The following PHKG2 variants were observed in gnomAD, a reference collection of about 807,000 sequenced individuals.
PHKG2 encodes phosphorylase kinase catalytic subunit gamma 2.
A neutral mutation model predicts 44.5 loss-of-function variants in PHKG2; 28 were observed. The ratio of observed to expected loss-of-function variants is 0.63; its 90% CI spans 0.47 to 0.86. The LOEUF (loss-of-function observed/expected upper bound fraction) is 0.86, where lower values mean the gene tolerates loss of function less well. Among genes scored for constraint, PHKG2 ranks in the 40% least tolerant of loss-of-function variants. PHKG2 has a pLI of 0.00. For synonymous variants in PHKG2, 220 were observed against 211.2 expected, an observed-to-expected ratio of 1.04 and a Z score of -0.36; for missense variants, 498 against 547.5, an observed-to-expected ratio of 0.91 and a Z score of 0.90.
chr16:30,758,825 A>C lies in PHKG2; in HGVS notation c.*1728A>C. On this transcript the variant is annotated 3_prime_UTR_variant, in exon 10 of 10. Coordinates refer to ENST00000563588, the MANE Select transcript of PHKG2 (RefSeq NM_000294.3). The stretch of plus-strand genomic sequence containing the variant: ...CTGCCTCAGATTGTGCTGGGATTAC[A>C]GGTGTGAGCCACCACGCCTGGCCTG... 1.0e-6 allele frequency: 1 copy of C among 976,466 alleles called. No homozygotes were observed. Among genetic ancestry groups the C allele is most frequent in the Non-Finnish European group, 1.5e-6 (1 of 681,490 alleles). The allele number at this position is 976,466 out of a possible 1,614,324, so 60.5% of individuals were successfully genotyped here.
intron 1 of PHKG2, 61 bp from the exon 2 acceptor site, chr16:30,748,742 A>G (rs1037373510): frequency 5.5e-6 from 4 of 725,686 alleles, no homozygotes; most frequent in Admixed American, 2.8e-5. Context: ...GGGAGCCGCC[A>G]TGCGGGTCGT....
chr16:30,760,669 C>G lies in PHKG2; in HGVS notation c.*3572C>G. On this transcript the variant is annotated 3_prime_UTR_variant, in exon 10 of 10. Coordinates refer to ENST00000563588, the MANE Select transcript of PHKG2 (RefSeq NM_000294.3). ...CATGGAATGGACGTCCAGGTACTTC[C>G]TGTTATAGTAAAAGAAAAAGAGTAT... is the stretch of plus-strand genomic sequence containing the variant. 2 of 1,532,320 alleles carry G rather than the reference C, an allele frequency of 1.3e-6. No homozygotes were observed. The highest frequency in any genetic ancestry group is 1.7e-6 in the Non-Finnish European group (2 of 1,144,346). 94.9% of individuals were successfully genotyped at this position (1,532,320 alleles called of 1,614,324 possible). A position where few individuals can be genotyped will look rare whatever the true frequency, so the allele number is the denominator to read the frequency against.
chr16:30,751,367 C>T, intron 3 of PHKG2, 86 bp downstream of exon 3: 1 of 1,407,848 alleles, frequency 7.1e-7, no homozygotes, highest in Non-Finnish European at 1.0e-6. Context: ...CCAACATTGC[C>T]TCCACACCTC....
Position 30,757,055 on chromosome 16 carries a change from T to C in PHKG2, c.1179T>C (p.Ser393=). Residue 393 remains serine (S), a synonymous_variant, in exon 10 of 10, where the codon TCT becomes TCC. Coordinates refer to ENST00000563588, the MANE Select transcript of PHKG2 (RefSeq NM_000294.3). ...PIMGPEEEGD[S]AAITEDEAVL... Reference sequence around the variant, plus strand: ...TGGGCCCTGAAGAGGAGGGAGACTCTGCTGCTATAACTGAGGATGAGGCCG... The same window carrying C: ...TGGGCCCTGAAGAGGAGGGAGACTCCGCTGCTATAACTGAGGATGAGGCCG... The C allele has an allele frequency of 6.2e-7, 1 of 1,613,172 alleles. No homozygotes were observed. Among genetic ancestry groups the C allele is most frequent in the African/African-American group, 1.3e-5 (1 of 75,050 alleles).
At chr16:30,750,327 T>C (rs2053327997) in intron 2 of PHKG2, among the ~76,000 whole-genome samples, 1 of 152,192 alleles carries the variant, frequency 6.6e-6, no homozygotes, top group Non-Finnish European at 1.5e-5. Context: ...AATTCCCAAG[T>C]GAGTTATGTG....
At position 30,757,731 on chromosome 16, in the gene PHKG2, A is replaced by G. The variant is rs1567266052; in HGVS notation, c.*634A>G. 6.6e-7 allele frequency: 1 copy of G among 1,507,366 alleles called. No homozygotes were observed. The highest frequency in any genetic ancestry group is 8.8e-7 in the Non-Finnish European group (1 of 1,131,064). 93.4% of individuals were successfully genotyped at this position (1,507,366 alleles called of 1,614,324 possible). A position where few individuals can be genotyped will look rare whatever the true frequency, so the allele number is the denominator to read the frequency against. On this transcript the variant is annotated 3_prime_UTR_variant, in exon 10 of 10. Coordinates refer to ENST00000563588, the MANE Select transcript of PHKG2 (RefSeq NM_000294.3). Reference sequence around the variant, plus strand: ...TGGGGGGATGGTCCCTAGTTGGGCAAACAGTCCCCAAATTTCCCCTGGTGG... The same window carrying G: ...TGGGGGGATGGTCCCTAGTTGGGCAGACAGTCCCCAAATTTCCCCTGGTGG...
chr16:30,751,355 C>G (rs544078667), intron 3 of PHKG2, 74 bp downstream of exon 3: 21 of 1,511,456 alleles, frequency 1.4e-5, no homozygotes, highest in Non-Finnish European at 1.9e-5. Context: ...AGCCCACTTC[C>G]GCCAACATTG....
Position 30,758,753 on chromosome 16 carries a change from C to T in PHKG2, c.*1656C>T, listed in dbSNP as rs11645367. On this transcript the variant is annotated 3_prime_UTR_variant, in exon 10 of 10. Transcript: ENST00000563588. ...GTATTTTAGTAGATAGGGGGTTTCA[C>T]GGTGTTGCCCAGGCTGGTCGCGAAC... 39,680 of 517,080 alleles carry T rather than the reference C, an allele frequency of 0.077. 2,020 individuals are homozygous for T. Among genetic ancestry groups the T allele is most frequent in the Non-Finnish European group, 0.11 (31,034 of 293,362 alleles). 32.0% of individuals were successfully genotyped at this position (517,080 alleles called of 1,614,324 possible).
At chr16:30,756,330 G>A (rs376894521) in intron 7 of PHKG2, 37 bp from the exon 8 acceptor site, 40 of 1,613,976 alleles carry the variant, frequency 2.5e-5, no homozygotes, top group South Asian at 4.4e-5. Context: ...GGGTCTGCCC[G>A]TCACCTAGTC....
At position 30,757,125 on chromosome 16, in the gene PHKG2, G is replaced by C; in HGVS notation, c.*28G>C. 1 of 1,612,020 alleles carries C rather than the reference G, an allele frequency of 6.2e-7. No individual in the cohort carries two copies. The highest frequency in any genetic ancestry group is 2.2e-5 in the East Asian group (1 of 44,838). The stretch of plus-strand genomic sequence containing the variant: ...CCTCAACCCCAGGGATTCCCAGGAA[G>C]CAGAACTCTCCAGAAGAAGGGTTTT... On this transcript the variant is annotated 3_prime_UTR_variant, in exon 10 of 10. Coordinates refer to ENST00000563588, the MANE Select transcript of PHKG2 (RefSeq NM_000294.3).
At position 30,756,930 on chromosome 16, in the gene PHKG2, A is replaced by C; in HGVS notation, c.1054A>C (p.Asn352His). The change falls in exon 10 of 10, where the codon AAC (asparagine) becomes CAC (histidine). Residue 352 changes from asparagine (N) to histidine (H), a missense_variant. Asn to His is a moderately conservative substitution (Grantham distance 68, BLOSUM62 1). Coordinates refer to ENST00000563588, the MANE Select transcript of PHKG2 (RefSeq NM_000294.3). The part of the protein sequence containing the change: ...ALRSVRHLID[N>H]CAFRLYGHWV... ...GCGGTCAGTGCGGCACCTCATCGAC[A>C]ACTGTGCCTTCCGGCTCTACGGGCA... 6.2e-7 allele frequency: 1 copy of C among 1,613,948 alleles called. No individual in the cohort carries two copies.
chr16:30,760,586 A>C lies in PHKG2; in HGVS notation c.*3489A>C. The C allele has an allele frequency of 6.4e-7, 1 of 1,562,476 alleles. No individual in the cohort carries two copies. The highest frequency in any genetic ancestry group is 8.7e-7 in the Non-Finnish European group (1 of 1,152,876). ...TCAGCCTTTGCCAAGAGCTCTTCCC[A>C]CGCCCCCCTCAGTCCCTACTCCCTC... On this transcript the variant is annotated 3_prime_UTR_variant, in exon 10 of 10. Coordinates refer to ENST00000563588, the MANE Select transcript of PHKG2 (RefSeq NM_000294.3).
In PHKG2 at chr16:30,756,480, C is replaced by T. The variant is rs980763024; in HGVS notation, c.761C>T (p.Ser254Phe). ...ATGGAGGGCCAGTACCAGTTCAGTT[C>T]CCCCGAGTGGGATGACCGTTCCAGC... ...MIMEGQYQFS[S>F]PEWDDRSSTV... is the part of the protein sequence containing the mutation. Residue 254 changes from serine (S) to phenylalanine (F), a missense_variant, in exon 8 of 10, where the codon TCC (serine) becomes TTC (phenylalanine). Coordinates refer to ENST00000563588, the MANE Select transcript of PHKG2 (RefSeq NM_000294.3). 1 of 1,613,354 alleles carries T rather than the reference C, an allele frequency of 6.2e-7. No homozygotes were observed. Among genetic ancestry groups the T allele is most frequent in the Non-Finnish European group, 8.5e-7 (1 of 1,179,882 alleles).
intron 6 of PHKG2, chr16:30,755,275 A>ACC (rs2053402001): frequency 1.1e-5 from 2 of 188,206 alleles, no homozygotes; most frequent in East Asian, 2.7e-4. Flanking sequence ...AGACTTGGAT[A>ACC]AAGTTTTGGA....
At chr16:30,753,786 G>A (rs2053382453) in intron 6 of PHKG2, among the ~76,000 whole-genome samples, 1 of 152,198 alleles carries the variant, frequency 6.6e-6, no homozygotes, top group African/African-American at 2.4e-5. Flanking sequence ...TGCACAGTGG[G>A]CAGAGGGCCA....
Position 30,756,232 on chromosome 16 carries a change from A to G in PHKG2, c.607A>G (p.Met203Val), listed in dbSNP as rs769168117. 4 of 1,614,148 alleles carry G rather than the reference A, an allele frequency of 2.5e-6. No individual in the cohort carries two copies. The highest frequency in any genetic ancestry group is 3.4e-6 in the Non-Finnish European group (4 of 1,180,010). ...YLAPEILKCS[M>V]DETHPGYGKE... ...AGCGCCAGAGATCCTTAAATGCTCC[A>G]TGGATGAAACCCACCCAGGCTATGG... Residue 203 changes from methionine (M) to valine (V), a missense_variant, in exon 7 of 10, where the codon ATG (methionine) becomes GTG (valine). Transcript: ENST00000563588.
intron 6 of PHKG2, among the ~76,000 whole-genome samples, chr16:30,755,632 T>C (rs1043436108): frequency 2.6e-5 from 4 of 151,886 alleles, no homozygotes; most frequent in Admixed American, 1.3e-4. Flanking sequence ...GCCGAGATCA[T>C]GCCATTGTAC....
chr16:30,749,203 T>TGG (rs1263830784), intron 2 of PHKG2, among the ~76,000 whole-genome samples: 2 of 12,214 alleles, frequency 1.6e-4, no homozygotes, highest in East Asian at 3.9e-3. Flanking sequence ...GTGCTGGTGG[T>TGG]GGTGTGTGTG....
rs1418477361 is a variant in PHKG2, at chr16:30,758,645, T to A, written c.*1548T>A. 3.5e-6 allele frequency: 1 copy of A among 287,348 alleles called. No homozygotes were observed. The highest frequency in any genetic ancestry group is 2.2e-5 in the African/African-American group (1 of 45,394). The allele number at this position is 287,348 out of a possible 1,614,324, so 17.8% of individuals were successfully genotyped here. A position where few individuals can be genotyped will look rare whatever the true frequency, so the allele number is the denominator to read the frequency against. The stretch of plus-strand genomic sequence containing the variant: ...ATCTTGGCTCACTGCAGTCTCCACC[T>A]CCTGGGTTCATGCAGTTCTCCTGCC... On this transcript the variant is annotated 3_prime_UTR_variant, in exon 10 of 10. Coordinates refer to ENST00000563588, the MANE Select transcript of PHKG2 (RefSeq NM_000294.3).
Sources: allele counts gnomAD v4.1 joint callset (sites outside exome capture counted in the v4.1 genomes callset), GRCh38; gene constraint gnomAD v4.1.1; transcripts MANE v1.5; gene names NCBI Gene and HGNC (gene_info 2026-07-23, HGNC 2026-07-21).